Variants in ATG13 observed in about 807,000 individuals in gnomAD.
ATG13 encodes autophagy-related protein 13.
In ATG13, 23 loss-of-function variants were observed where a neutral mutation model predicts 65.5. The ratio of observed to expected loss-of-function variants is 0.35; its 90% CI spans 0.25 to 0.50. ATG13 has a LOEUF of 0.50. ATG13 is among the 20% of genes least tolerant of loss of function. The pLI, the probability that ATG13 is intolerant of heterozygous loss-of-function variation, is 0.98. For synonymous variants in ATG13, 252 were observed against 245.2 expected, an observed-to-expected ratio of 1.03 and a Z score of -0.26; for missense variants, 566 against 677.0, an observed-to-expected ratio of 0.84 and a Z score of 1.82.
intron 3 of ATG13, 85 bp downstream of exon 3, chr11:46,644,445 T>C: frequency 8.3e-7 from 1 of 1,197,758 alleles, no homozygotes; most frequent in South Asian, 1.4e-5. Context: ...CTTTGGAAAG[T>C]AGCATAACAG....
At chr11:46,654,872 G>A (rs553456679) in intron 7 of ATG13, among the ~76,000 whole-genome samples, 1 of 151,982 alleles carries the variant, frequency 6.6e-6, no homozygotes. Context: ...GCTACGGCGG[G>A]TGTATCACTT....
intron 11 of ATG13, among the ~76,000 whole-genome samples, chr11:46,663,242 G>A (rs957290165): frequency 3.5e-5 from 5 of 142,938 alleles, no homozygotes; most frequent in African/African-American, 1.3e-4. Flanking sequence ...CTCCAGCCTG[G>A]GCGACAGAGT....
Position 46,674,402 on chromosome 11 carries a change from C to T in ATG13, c.*2070C>T, listed in dbSNP as rs1281315505. The T allele has an allele frequency of 6.6e-6, 1 of 152,342 alleles. No homozygotes were observed. The highest frequency in any genetic ancestry group is 1.5e-5 in the Non-Finnish European group (1 of 68,116). 9.4% of individuals were successfully genotyped at this position (152,342 alleles called of 1,614,324 possible). On this transcript the variant is annotated 3_prime_UTR_variant, in exon 19 of 19. Transcript: ENST00000683050. ...CAGGCTGGGACCAGCTGTTTGTCTCCAGGTGTCAGAGTCCCTCCTCCTCCT... is the reference window on the plus strand; with the variant it reads ...CAGGCTGGGACCAGCTGTTTGTCTCTAGGTGTCAGAGTCCCTCCTCCTCCT...
chr11:46,667,839 C>T lies in ATG13; in HGVS notation c.1203C>T (p.Thr401=), dbSNP rs763813870. 2 of 1,612,772 alleles carry T rather than the reference C, an allele frequency of 1.2e-6. No individual in the cohort carries two copies. Among genetic ancestry groups the T allele is most frequent in the South Asian group, 1.1e-5 (1 of 91,032 alleles). Residue 401 remains threonine (T), a synonymous_variant, in exon 15 of 19, where the codon ACC becomes ACT. Transcript: ENST00000683050. ...CCTCCCCTCACGATGTCTTGGAGAC[C>T]ATCTTTGTCCGAAAAGTGGGGGCTT... ...GRASPHDVLE[T]IFVRKVGAFV...
intron 8 of ATG13, 114 bp downstream of exon 8, chr11:46,656,387 CAAGTA>C: frequency 9.0e-7 from 1 of 1,105,196 alleles, no homozygotes; most frequent in Non-Finnish European, 1.3e-6. Context: ...ATGCATAATA[CAAGTA>C]AAGAAAAGAT....
chr11:46,629,313 A>G (rs2050841103), intron 1 of ATG13, among the ~76,000 whole-genome samples: 1 of 152,114 alleles, frequency 6.6e-6, no homozygotes, highest in Non-Finnish European at 1.5e-5. Flanking sequence ...ATGCAGTCAC[A>G]CTCATAGTGT....
intron 1 of ATG13, among the ~76,000 whole-genome samples, chr11:46,628,825 C>G (rs1003716292): frequency 6.6e-6 from 1 of 152,140 alleles, no homozygotes; most frequent in Admixed American, 6.6e-5. Flanking sequence ...TTGGCAAATG[C>G]ATAAGTCTTA....
chr11:46,663,248 A>G (rs1011477899), intron 11 of ATG13, among the ~76,000 whole-genome samples: 14 of 122,486 alleles, frequency 1.1e-4, no homozygotes, highest in Admixed American at 4.3e-4. Flanking sequence ...CCTGGGCGAC[A>G]GAGTGAGACT....
At chr11:46,650,857 G>T (rs1368894419) in intron 7 of ATG13, among the ~76,000 whole-genome samples, 1 of 152,154 alleles carries the variant, frequency 6.6e-6, no homozygotes, top group African/African-American at 2.4e-5. Context: ...GCCTGCCTCA[G>T]CCTCCCAAAG....
In ATG13 at chr11:46,665,375, C is replaced by T. The variant is rs2062067414; in HGVS notation, c.1000-8C>T. The T allele has an allele frequency of 1.2e-6, 2 of 1,612,076 alleles. No individual in the cohort carries two copies. The highest frequency in any genetic ancestry group is 2.7e-5 in the African/African-American group (2 of 74,860). On this transcript the variant is annotated splice_region_variant and splice_polypyrimidine_tract_variant and intron_variant, in intron 13 of 18. Coordinates refer to ENST00000683050, the MANE Select transcript of ATG13 (RefSeq NM_001346311.2). Reference sequence around the variant, plus strand: ...TGATTCACTGTCTCTTTCCATTTTTCCCCAAAGCTGATGGTTCCTGGGAAG... The same window carrying T: ...TGATTCACTGTCTCTTTCCATTTTTTCCCAAAGCTGATGGTTCCTGGGAAG...
At chr11:46,645,705 A>T (rs1241096886) in intron 4 of ATG13, among the ~76,000 whole-genome samples, 165 bp from the exon 5 acceptor site, 1 of 152,156 alleles carries the variant, frequency 6.6e-6, no homozygotes, top group Non-Finnish European at 1.5e-5. Flanking sequence ...TCAACTTGAG[A>T]TTTGGGGCTT....
intron 2 of ATG13, among the ~76,000 whole-genome samples, chr11:46,630,447 T>TAAC (rs2051283875): frequency 6.6e-6 from 1 of 152,118 alleles, no homozygotes; most frequent in African/African-American, 2.4e-5. Context: ...AGTGGACCAG[T>TAAC]TACAAAGGCC....
rs772737570 is a variant in ATG13 at position 46,645,866 on chromosome 11, C to T, written c.151-4C>T. On this transcript the variant is annotated splice_region_variant and splice_polypyrimidine_tract_variant and intron_variant, in intron 4 of 18. Transcript: ENST00000683050. ...TTCATGCAAAAGTCCCTTTTGTTTT[C>T]CAGTTCAACTTAGCAATCAAAGACA... 2.5e-6 allele frequency: 4 copies of T among 1,613,926 alleles called. No individual in the cohort carries two copies. Among genetic ancestry groups the T allele is most frequent in the Non-Finnish European group, 2.5e-6 (3 of 1,179,936 alleles).
At chr11:46,665,283 G>A (rs1315304391) in intron 13 of ATG13, 100 bp from the exon 14 acceptor site, 2 of 1,445,152 alleles carry the variant, frequency 1.4e-6, no homozygotes, top group Non-Finnish European at 1.9e-6. Context: ...CAGCGTTGGT[G>A]ATGGAAAAGT....
chr11:46,670,841 A>G (rs993789911), intron 18 of ATG13, among the ~76,000 whole-genome samples: 1 of 152,024 alleles, frequency 6.6e-6, no homozygotes, highest in African/African-American at 2.4e-5. Flanking sequence ...AATAAAAATC[A>G]AGGCTTTTTG....
rs760101445 is a variant in ATG13, at chr11:46,659,437, C to T, written c.741C>T (p.Asp247=). 5 of 1,614,104 alleles carry T rather than the reference C, an allele frequency of 3.1e-6. No homozygotes were observed. The highest frequency in any genetic ancestry group is 2.7e-5 in the African/African-American group (2 of 75,036). Residue 247 remains aspartate (D), a synonymous_variant, in exon 11 of 19, where the codon GAC becomes GAT. Coordinates refer to ENST00000683050, the MANE Select transcript of ATG13 (RefSeq NM_001346311.2). ...GAGTAATATACCCGTCTGTAGAAGACTCTCAAGAAGTGTGTACCACCTCTT... is the reference window on the plus strand; with the variant it reads ...GAGTAATATACCCGTCTGTAGAAGATTCTCAAGAAGTGTGTACCACCTCTT... The part of the protein sequence containing the change: ...DTGVIYPSVE[D]SQEVCTTSFS...
At chr11:46,647,271 G>GTTTTTTTTGTTTTT (rs2057819916) in intron 5 of ATG13, among the ~76,000 whole-genome samples, 2 of 132,882 alleles carry the variant, frequency 1.5e-5, no homozygotes, top group African/African-American at 5.7e-5. Context: ...TTGGGTTTTT[G>GTTTTTTTTGTTTTT]TTTTTTTTGT....
At chr11:46,624,378 A>T (rs2048755773) in intron 1 of ATG13, among the ~76,000 whole-genome samples, 1 of 152,166 alleles carries the variant, frequency 6.6e-6, no homozygotes, top group Admixed American at 6.5e-5. Flanking sequence ...CAGTTGTTTC[A>T]GTACTGTCCT....
At chr11:46,659,576 T>A in intron 11 of ATG13, 91 bp downstream of exon 11, 1 of 1,023,778 alleles carries the variant, frequency 9.8e-7, no homozygotes, top group Non-Finnish European at 1.5e-6. Flanking sequence ...ACAATCCCTT[T>A]TAATAGTGGT....
Sources: gnomAD v4.1 joint callset for allele counts (sites outside exome capture counted in the v4.1 genomes callset) on GRCh38, gnomAD v4.1.1 for gene constraint, MANE v1.5 for transcripts, NCBI Gene and HGNC (gene_info 2026-07-23, HGNC 2026-07-21) for gene names.